The following GRM3 variants were observed in gnomAD, a reference collection of about 807,000 sequenced individuals.
GRM3 encodes the protein glutamate metabotropic receptor 3, also known as metabotropic glutamate receptor 3.
GRM3 carries 26 observed loss-of-function variants against 70.5 expected under a neutral mutation model. The ratio of observed to expected loss-of-function variants is 0.37; its 90% CI spans 0.27 to 0.51. The LOEUF is 0.51. Ranked by LOEUF, GRM3 falls within the 20% of genes least tolerant of loss-of-function variation. GRM3 has a pLI of 0.93. For missense variants in GRM3, 859 were observed against 1,123.8 expected, an observed-to-expected ratio of 0.76 and a Z score of 3.37; for synonymous variants, 443 against 434.9, an observed-to-expected ratio of 1.02 and a Z score of -0.23.
chr7:86,754,230 C>T (rs1335569985), intron 1 of GRM3, among the ~76,000 whole-genome samples: 1 of 152,022 alleles, frequency 6.6e-6, no homozygotes, highest in Non-Finnish European at 1.5e-5. Context: ...ATCAGTTAGG[C>T]CTTGATACTT....
At chr7:86,811,475 G>A (rs909971420) in intron 3 of GRM3, among the ~76,000 whole-genome samples, 1 of 151,680 alleles carries the variant, frequency 6.6e-6, no homozygotes, top group Non-Finnish European at 1.5e-5. Context: ...ATCTCTAGGA[G>A]GACCATTCAG....
chr7:86,796,139 T>A (rs981685103), intron 3 of GRM3, among the ~76,000 whole-genome samples: 3 of 152,236 alleles, frequency 2.0e-5, no homozygotes, highest in Middle Eastern at 3.2e-3. Flanking sequence ...TCTTTGCTCA[T>A]GCCTATGTCC....
At position 86,864,388 on chromosome 7, in the gene GRM3, G is replaced by T; in HGVS notation, c.*33G>T. ...TTGCAGTTCAGTTCTTGTGTTTTTA[G>T]ACTGTTAGACAAAAGTGCTCACGTG... On this transcript the variant is annotated 3_prime_UTR_variant, in exon 6 of 6. Coordinates refer to ENST00000361669, the MANE Select transcript of GRM3 (RefSeq NM_000840.3). The T allele has an allele frequency of 6.5e-7, 1 of 1,545,248 alleles. No individual in the cohort carries two copies. Among genetic ancestry groups the T allele is most frequent in the South Asian group, 1.1e-5 (1 of 89,684 alleles).
chr7:86,771,547 C>CATAGAACATTATTCT (rs549792589), intron 2 of GRM3, among the ~76,000 whole-genome samples: 1 of 151,898 alleles, frequency 6.6e-6, no homozygotes, highest in Non-Finnish European at 1.5e-5. Context: ...AACAGTATTC[C>CATAGAACATTATTCT]ATAGAACATT....
At chr7:86,688,840 A>T (rs1794630104) in intron 1 of GRM3, among the ~76,000 whole-genome samples, 1 of 148,032 alleles carries the variant, frequency 6.8e-6, no homozygotes. Context: ...ATATGTGTTG[A>T]CTTTTTAAGG....
intron 3 of GRM3, among the ~76,000 whole-genome samples, chr7:86,822,100 C>A (rs1798133366): frequency 6.6e-6 from 1 of 152,056 alleles, no homozygotes; most frequent in South Asian, 2.1e-4. Flanking sequence ...GGCACCAGAT[C>A]TTTCTCTCTC....
At chr7:86,767,722 T>A (rs1796643380) in intron 2 of GRM3, among the ~76,000 whole-genome samples, 3 of 151,902 alleles carry the variant, frequency 2.0e-5, no homozygotes, top group African/African-American at 7.2e-5. Flanking sequence ...TAGTTTCTCC[T>A]AGTGCAATAA....
intron 4 of GRM3, 94 bp from the exon 5 acceptor site, chr7:86,850,276 G>T (rs1798731625): frequency 1.3e-6 from 1 of 782,194 alleles, no homozygotes. Context: ...AATTATTCTG[G>T]ATTTTTCATT....
intron 3 of GRM3, among the ~76,000 whole-genome samples, chr7:86,836,666 CT>C (rs1798463451): frequency 6.6e-6 from 1 of 152,142 alleles, no homozygotes; most frequent in African/African-American, 2.4e-5. Flanking sequence ...GTAGTTCTCA[CT>C]TTTATGAGCA....
At chr7:86,861,458 A>G (rs1408244954) in intron 5 of GRM3, among the ~76,000 whole-genome samples, 1 of 152,228 alleles carries the variant, frequency 6.6e-6, no homozygotes, top group African/African-American at 2.4e-5. Context: ...AGGCAGCAAC[A>G]ACTGGGCTAG....
intron 1 of GRM3, among the ~76,000 whole-genome samples, chr7:86,648,792 C>T (rs1245242868): frequency 2.6e-5 from 4 of 152,088 alleles, no homozygotes; most frequent in Middle Eastern, 3.4e-3. Context: ...CCAAGACATC[C>T]GTGTGTAGGC....
At chr7:86,719,339 C>A (rs1795398433) in intron 1 of GRM3, among the ~76,000 whole-genome samples, 1 of 151,942 alleles carries the variant, frequency 6.6e-6, no homozygotes, top group Non-Finnish European at 1.5e-5. Context: ...GAAGTTTCTT[C>A]ATACATCTAT....
At chr7:86,720,914 T>C (rs1427690172) in intron 1 of GRM3, among the ~76,000 whole-genome samples, 1 of 152,010 alleles carries the variant, frequency 6.6e-6, no homozygotes, top group Non-Finnish European at 1.5e-5. Flanking sequence ...GTAGAGATAC[T>C]CAGACAACAG....
chr7:86,815,437 T>A (rs1797996417), intron 3 of GRM3, among the ~76,000 whole-genome samples: 1 of 151,878 alleles, frequency 6.6e-6, no homozygotes, highest in African/African-American at 2.4e-5. Context: ...CCTTTGCAAA[T>A]GTAACCCTAT....
At chr7:86,846,699 G>A (rs1798662174) in intron 4 of GRM3, among the ~76,000 whole-genome samples, 1 of 152,130 alleles carries the variant, frequency 6.6e-6, no homozygotes, top group Non-Finnish European at 1.5e-5. Context: ...TCCTTAACAG[G>A]AAATAAAGTG....
intron 1 of GRM3, among the ~76,000 whole-genome samples, chr7:86,673,243 C>T (rs1794217746): frequency 6.6e-6 from 1 of 152,188 alleles, no homozygotes; most frequent in African/African-American, 2.4e-5. Flanking sequence ...AGACTTTCCT[C>T]TCTACTCAAC....
At chr7:86,742,375 C>T (rs966780773) in intron 1 of GRM3, among the ~76,000 whole-genome samples, 2 of 152,142 alleles carry the variant, frequency 1.3e-5, no homozygotes, top group African/African-American at 4.8e-5. Flanking sequence ...GGAAAATATA[C>T]TCTATCTCTT....
chr7:86,835,523 T>C (rs939580087), intron 3 of GRM3, among the ~76,000 whole-genome samples: 59 of 152,150 alleles, frequency 3.9e-4, no homozygotes, highest in African/African-American at 1.3e-3. Flanking sequence ...GCAATCTGTT[T>C]GGGAAAAAGC....
intron 1 of GRM3, among the ~76,000 whole-genome samples, chr7:86,676,574 A>C (rs1049091683): frequency 6.6e-6 from 1 of 152,028 alleles, no homozygotes; most frequent in Non-Finnish European, 1.5e-5. Context: ...CAGTGACTAA[A>C]ATATGTAAAA....
Sources: gnomAD v4.1 joint callset for allele counts (sites outside exome capture counted in the v4.1 genomes callset) on GRCh38, gnomAD v4.1.1 for gene constraint, MANE v1.5 for transcripts, NCBI Gene and HGNC (gene_info 2026-07-23, HGNC 2026-07-21) for gene names.